Variants in CNOT10 observed in about 807,000 individuals in gnomAD.
The protein encoded by CNOT10 is CCR4-NOT transcription complex, subunit 10.
A neutral mutation model predicts 94.6 loss-of-function variants in CNOT10; 30 were observed. The observed-to-expected ratio is 0.32, with a 90% CI of 0.24 to 0.43. CNOT10 has a LOEUF of 0.43. CNOT10 is among the 20% of genes least tolerant of loss of function. The pLI, the probability that CNOT10 is intolerant of heterozygous loss-of-function variation, is 1.00. For synonymous variants in CNOT10, 289 were observed against 301.6 expected (o/e 0.96, Z 0.43); for missense variants, 759 against 877.2 (o/e 0.87, Z 1.70).
intron 1 of CNOT10, among the ~76,000 whole-genome samples, chr3:32,699,427 G>A (rs553194054): frequency 4.1e-4 from 62 of 152,080 alleles, no homozygotes; most frequent in Non-Finnish European, 7.9e-4. Flanking sequence ...TAGTATTATC[G>A]TTTTAATTTA....
Position 32,759,512 on chromosome 3 carries a change from C to A in CNOT10, c.1650C>A (p.Leu550=). The change falls in exon 14 of 19, where the codon CTC becomes CTA. Residue 550 remains leucine (L), a synonymous_variant. Transcript: ENST00000328834. The part of the protein sequence containing the change: ...AYVALALGDN[L]MALNHADKLL... ...TGGCTCTGGCTTTGGGTGATAACCT[C>A]ATGGCTTTGAATCATGCAGATAAAC... 6.2e-7 allele frequency: 1 copy of A among 1,614,124 alleles called. No individual in the cohort carries two copies. Among genetic ancestry groups the A allele is most frequent in the East Asian group, 2.2e-5 (1 of 44,884 alleles).
chr3:32,757,926 C>A lies in CNOT10; in HGVS notation c.1596-1532C>A, dbSNP rs576448891. 7.9e-5 allele frequency among the ~76,000 whole-genome samples: 12 copies of A among 152,324 alleles called. No individual in the cohort carries two copies. The East Asian group carries it at 1.2e-3, about 15-fold the overall frequency. ...AGATTTAAAATTACATACTCAGGGA[C>A]AAAATATAAACTTATGTTTGGATTA... On this transcript the variant is annotated intron_variant, in intron 13 of 18. Transcript: ENST00000328834.
intron 18 of CNOT10, among the ~76,000 whole-genome samples, chr3:32,770,923 A>G (rs1159595182): frequency 2.0e-5 from 3 of 151,754 alleles, no homozygotes; most frequent in Admixed American, 1.3e-4. Context: ...ACGTTGGCCA[A>G]GCTGGTCTTG....
intron 10 of CNOT10, chr3:32,730,741 A>G (rs1415787633): frequency 6.6e-6 from 1 of 152,208 alleles, no homozygotes; most frequent in Non-Finnish European, 1.5e-5. Context: ...TAACTTGTTT[A>G]TGCTAAGGAG....
Position 32,708,654 on chromosome 3 carries a change from G to T in CNOT10, c.280-16G>T. 1.3e-6 allele frequency: 2 copies of T among 1,597,202 alleles called. No individual in the cohort carries two copies. Among genetic ancestry groups the T allele is most frequent in the Non-Finnish European group, 1.7e-6 (2 of 1,174,576 alleles). ...TCCTTAATGTTAAAATATAACCTCTGTTGATTGCTTTATAGGTCCACTCAG... is the reference window on the plus strand; with the variant it reads ...TCCTTAATGTTAAAATATAACCTCTTTTGATTGCTTTATAGGTCCACTCAG... On this transcript the variant is annotated splice_polypyrimidine_tract_variant and intron_variant, in intron 3 of 18. Transcript: ENST00000328834.
At chr3:32,763,186 T>C (rs1700523356) in intron 15 of CNOT10, among the ~76,000 whole-genome samples, 1 of 152,086 alleles carries the variant, frequency 6.6e-6, no homozygotes, top group Admixed American at 6.6e-5. Context: ...AAGAGTCAGT[T>C]TTAGTCCAGG....
At chr3:32,707,105 A>C (rs1697658024) in intron 3 of CNOT10, among the ~76,000 whole-genome samples, 1 of 152,218 alleles carries the variant, frequency 6.6e-6, no homozygotes, top group Admixed American at 6.5e-5. Flanking sequence ...ATTGAACAAT[A>C]ATTTATTGCA....
intron 4 of CNOT10, among the ~76,000 whole-genome samples, chr3:32,712,082 T>G (rs1433802747): frequency 2.0e-5 from 3 of 152,210 alleles, no homozygotes; most frequent in African/African-American, 7.2e-5. Flanking sequence ...TTTGAAGGTC[T>G]TGTCTCTTGG....
At chr3:32,711,595 A>C (rs1418106341) in intron 4 of CNOT10, among the ~76,000 whole-genome samples, 1 of 152,160 alleles carries the variant, frequency 6.6e-6, no homozygotes, top group East Asian at 1.9e-4. Flanking sequence ...GGATGTTTTA[A>C]GTAAGGTAAT....
At chr3:32,750,004 T>G in intron 13 of CNOT10, among the ~76,000 whole-genome samples, 1 of 151,716 alleles carries the variant, frequency 6.6e-6, no homozygotes, top group East Asian at 1.9e-4. Flanking sequence ...ATCCCTTGAG[T>G]CCAGGAGTTC....
chr3:32,739,366 A>T (rs568331612), intron 13 of CNOT10, among the ~76,000 whole-genome samples: 2 of 151,970 alleles, frequency 1.3e-5, no homozygotes, highest in African/African-American at 4.8e-5. Flanking sequence ...TTATTCTTCT[A>T]CTAACTCTGG....
intron 1 of CNOT10, among the ~76,000 whole-genome samples, chr3:32,691,954 G>T (rs1398563583): frequency 6.6e-6 from 1 of 151,424 alleles, no homozygotes; most frequent in African/African-American, 2.4e-5. Context: ...GGAGGGTGAG[G>T]TGGGAGGATC....
At chr3:32,735,152 G>T (rs1699128743) in intron 12 of CNOT10, among the ~76,000 whole-genome samples, 176 bp downstream of exon 12, 1 of 152,208 alleles carries the variant, frequency 6.6e-6, no homozygotes, top group African/African-American at 2.4e-5. Context: ...GAGAAATAAG[G>T]TGAAGGCTAA....
At chr3:32,736,038 C>CT (rs1347141358) in intron 12 of CNOT10, among the ~76,000 whole-genome samples, 9 of 151,898 alleles carry the variant, frequency 5.9e-5, no homozygotes, top group Non-Finnish European at 5.9e-5. Context: ...GGGAATTCAG[C>CT]TTTTTTCTTT....
chr3:32,758,707 T>A (rs1575301942), intron 13 of CNOT10, among the ~76,000 whole-genome samples: 1 of 152,240 alleles, frequency 6.6e-6, no homozygotes, highest in East Asian at 1.9e-4. Flanking sequence ...AACATTCAAG[T>A]GATCTATTAG....
At chr3:32,752,364 T>C (rs1157141953) in intron 13 of CNOT10, among the ~76,000 whole-genome samples, 1 of 152,198 alleles carries the variant, frequency 6.6e-6, no homozygotes, top group African/African-American at 2.4e-5. Flanking sequence ...GATAAATCAT[T>C]TAACCCCTGT....
chr3:32,687,011 T>C (rs958253589), intron 1 of CNOT10, among the ~76,000 whole-genome samples: 1 of 152,220 alleles, frequency 6.6e-6, no homozygotes, highest in African/African-American at 2.4e-5. Context: ...ATGTGTGTAG[T>C]TGAAGAATAA....
chr3:32,761,253 A>G (rs145519588), intron 14 of CNOT10, among the ~76,000 whole-genome samples: 169 of 152,286 alleles, frequency 1.1e-3, no homozygotes, highest in African/African-American at 3.9e-3. Context: ...GGAAGATCCT[A>G]ATTTTCAGTT....
intron 12 of CNOT10, among the ~76,000 whole-genome samples, chr3:32,736,082 TTTTG>T (rs201247239): frequency 2.1e-3 from 318 of 152,150 alleles, no homozygotes; most frequent in African/African-American, 7.2e-3. Context: ...TTGTTTTGTT[TTTTG>T]TTTGTTTGTT....
Sources: gnomAD v4.1 joint callset for allele counts (sites outside exome capture counted in the v4.1 genomes callset) on GRCh38, gnomAD v4.1.1 for gene constraint, MANE v1.5 for transcripts, NCBI Gene and HGNC (gene_info 2026-07-23, HGNC 2026-07-21) for gene names.